NEUROD4: variants seen among roughly 807,000 people sequenced by gnomAD.
NEUROD4 encodes neurogenic differentiation factor 4.
NEUROD4 carries 16 observed loss-of-function variants against 19.8 expected under a neutral mutation model. The observed-to-expected ratio is 0.81, with a 90% CI of 0.55 to 1.23. NEUROD4 has a LOEUF of 1.23. NEUROD4 is among the 50% of genes most tolerant of loss of function. The pLI is 0.00. For missense variants in NEUROD4, 439 were observed against 398.6 expected, an observed-to-expected ratio of 1.10 and a Z score of -0.86; for synonymous variants, 153 against 147.9, an observed-to-expected ratio of 1.03 and a Z score of -0.25.
In NEUROD4 at chr12:55,028,181, T is replaced by C. The variant is rs182305032; in HGVS notation, c.*746T>C. On this transcript the variant is annotated 3_prime_UTR_variant, in exon 2 of 2. Transcript: ENST00000242994. ...TTCCTTATGATTTGAAGAACCATAA[T>C]AGAGAACCATAATAGAGGCCTCATG... The C allele has an allele frequency of 4.2e-5, 7 of 165,718 alleles. No homozygotes were observed. In the East Asian group the frequency reaches 1.2e-3, roughly 27 times the overall value. The allele number at this position is 165,718 out of a possible 1,614,324, so 10.3% of individuals were successfully genotyped here.
chr12:55,022,949 G>A (rs191252284), intron 1 of NEUROD4, among the ~76,000 whole-genome samples: 124 of 152,196 alleles, frequency 8.1e-4, no homozygotes, highest in African/African-American at 2.7e-3. Flanking sequence ...AAAATTCATG[G>A]TGATGTTTAG....
At position 55,027,671 on chromosome 12, in the gene NEUROD4, A is replaced by C. The variant is rs1055414894; in HGVS notation, c.*236A>C. The C allele has an allele frequency of 9.1e-6, 4 of 437,382 alleles. No individual in the cohort carries two copies. The highest frequency in any genetic ancestry group is 1.7e-5 in the Non-Finnish European group (4 of 240,472). 27.1% of individuals were successfully genotyped at this position (437,382 alleles called of 1,614,324 possible). ...TATTTGATGATTTAACAACCATGTG[A>C]AAATAGAACAGAAGACCTGGGCCCT... On this transcript the variant is annotated 3_prime_UTR_variant, in exon 2 of 2. Coordinates refer to ENST00000242994, the MANE Select transcript of NEUROD4 (RefSeq NM_021191.3).
At chr12:55,020,880 T>C (rs1952669439) in intron 1 of NEUROD4, among the ~76,000 whole-genome samples, 1 of 152,214 alleles carries the variant, frequency 6.6e-6, no homozygotes, top group Non-Finnish European at 1.5e-5. Context: ...GGAAATTTCC[T>C]TTTCCTCAGC....
At position 55,027,074 on chromosome 12, in the gene NEUROD4, C is replaced by G. The variant is rs1952742403; in HGVS notation, c.635C>G (p.Pro212Arg). Residue 212 changes from proline to arginine, a missense_variant, in exon 2 of 2, where the codon CCT (proline) becomes CGT (arginine). Transcript: ENST00000242994. ...FNYQSPGLPS[P>R]PYGHMETHLL... The stretch of plus-strand genomic sequence containing the variant: ...TATCAGTCTCCGGGGCTTCCTAGCC[C>G]TCCTTATGGTCATATGGAAACACAT... The G allele has an allele frequency of 6.2e-7, 1 of 1,614,130 alleles. No individual in the cohort carries two copies. Among genetic ancestry groups the G allele is most frequent in the Non-Finnish European group, 8.5e-7 (1 of 1,180,000 alleles).
chr12:55,025,138 C>A (rs1189848460), intron 1 of NEUROD4, among the ~76,000 whole-genome samples: 1 of 152,162 alleles, frequency 6.6e-6, no homozygotes, highest in Non-Finnish European at 1.5e-5. Context: ...AAACCATATG[C>A]CTAAAAATTG....
chr12:55,024,213 T>A (rs758509613), intron 1 of NEUROD4, among the ~76,000 whole-genome samples: 5 of 152,176 alleles, frequency 3.3e-5, no homozygotes, highest in Non-Finnish European at 7.4e-5. Context: ...TTTCTATTGC[T>A]GTACATCTCC....
rs1952772023 is a variant in NEUROD4, at chr12:55,029,793, C to A, written c.*2358C>A. On this transcript the variant is annotated 3_prime_UTR_variant, in exon 2 of 2. Coordinates refer to ENST00000242994, the MANE Select transcript of NEUROD4 (RefSeq NM_021191.3). The stretch of plus-strand genomic sequence containing the variant: ...GTTTATGCCTTTGGGGAGTATGGTA[C>A]CCATGAGCCAAGCCTCCCTGAAATT... 6.0e-6 allele frequency: 1 copy of A among 166,898 alleles called. No individual in the cohort carries two copies. 10.3% of individuals were successfully genotyped at this position (166,898 alleles called of 1,614,324 possible). A position where few individuals can be genotyped will look rare whatever the true frequency, so the allele number is the denominator to read the frequency against.
At chr12:55,026,364 A>G (rs993729951) in intron 1 of NEUROD4, 67 bp from the exon 2 acceptor site, 22 of 1,389,668 alleles carry the variant, frequency 1.6e-5, no homozygotes, top group Non-Finnish European at 1.9e-5. Context: ...ATTACATATA[A>G]AAAACTTTAG....
chr12:55,021,667 TA>T (rs147557483), intron 1 of NEUROD4, among the ~76,000 whole-genome samples: 2,609 of 152,326 alleles, frequency 0.017, 77 homozygotes, highest in African/African-American at 0.06. Context: ...AGAACAGATT[TA>T]AAATTTTTAA....
chr12:55,027,005 A>G lies in NEUROD4; in HGVS notation c.566A>G (p.Lys189Arg). The G allele has an allele frequency of 6.2e-7, 1 of 1,614,040 alleles. No individual in the cohort carries two copies. Among genetic ancestry groups the G allele is most frequent in the Non-Finnish European group, 8.5e-7 (1 of 1,180,002 alleles). Residue 189 changes from lysine (K) to arginine (R), a missense_variant, in exon 2 of 2, where the codon AAA (lysine) becomes AGA (arginine). Transcript: ENST00000242994. ...GTCCTCCTGGAGAAGCACGAGGATA[A>G]ATCTCCTATTTGTGACTCTGCCATC... Reference protein sequence around the residue: ...QSVLLEKHEDKSPICDSAISV... With the variant: ...QSVLLEKHEDRSPICDSAISV...
At chr12:55,020,669 G>T (rs1439465886) in intron 1 of NEUROD4, among the ~76,000 whole-genome samples, 1 of 152,072 alleles carries the variant, frequency 6.6e-6, no homozygotes, top group Non-Finnish European at 1.5e-5. Context: ...TTCCAAGGTG[G>T]CCCAGCAAGT....
At position 55,029,616 on chromosome 12, in the gene NEUROD4, T is replaced by C. The variant is rs1251985269; in HGVS notation, c.*2181T>C. On this transcript the variant is annotated 3_prime_UTR_variant, in exon 2 of 2. Transcript: ENST00000242994. ...CATAATTTTGCTAAGAACTGCTGAG[T>C]TTTGGAGTGAGGGGAAAGGAAAAAA... 6.0e-6 allele frequency: 1 copy of C among 167,022 alleles called. No homozygotes were observed. The highest frequency in any genetic ancestry group is 1.5e-5 in the Non-Finnish European group (1 of 68,100). 10.3% of individuals were successfully genotyped at this position (167,022 alleles called of 1,614,324 possible).
intron 1 of NEUROD4, among the ~76,000 whole-genome samples, chr12:55,024,033 C>T (rs1390476670): frequency 6.6e-6 from 1 of 152,164 alleles, no homozygotes; most frequent in African/African-American, 2.4e-5. Context: ...TCAGGAGACT[C>T]TCCTCTCTTG....
At chr12:55,024,600 T>G (rs1263825419) in intron 1 of NEUROD4, among the ~76,000 whole-genome samples, 1 of 152,184 alleles carries the variant, frequency 6.6e-6, no homozygotes, top group Non-Finnish European at 1.5e-5. Context: ...CTGTGTTACT[T>G]TAACAGAAAG....
intron 1 of NEUROD4, among the ~76,000 whole-genome samples, chr12:55,024,342 G>A (rs560771628): frequency 3.9e-5 from 6 of 152,104 alleles, no homozygotes; most frequent in Non-Finnish European, 8.8e-5. Context: ...CACTCCACCA[G>A]AACTATATCT....
chr12:55,022,204 T>C (rs1479870097), intron 1 of NEUROD4, among the ~76,000 whole-genome samples: 1 of 152,164 alleles, frequency 6.6e-6, no homozygotes, highest in Non-Finnish European at 1.5e-5. Flanking sequence ...GCTCCTTTAA[T>C]GAGTGAATGA....
rs566812901 is a variant in NEUROD4, at chr12:55,023,052, ATCCT to A, written c.-10+2740_-10+2743del. Among the ~76,000 whole-genome samples, 15 of 152,240 alleles carry A rather than the reference ATCCT, an allele frequency of 9.9e-5. No homozygotes were observed. The South Asian group carries it at 3.1e-3, about 32-fold the overall frequency. On this transcript the variant is annotated intron_variant, in intron 1 of 1. Transcript: ENST00000242994. Reference sequence around the variant, plus strand: ...ATCAACTCATTTTATGCTCCTAATAATCCTATGAGGTAGGACTGTTATTATTCTC... The same window carrying A: ...ATCAACTCATTTTATGCTCCTAATAAATGAGGTAGGACTGTTATTATTCTC...
Position 55,029,001 on chromosome 12 carries a change from C to T in NEUROD4, c.*1566C>T, listed in dbSNP as rs2136242545. On this transcript the variant is annotated 3_prime_UTR_variant, in exon 2 of 2. Coordinates refer to ENST00000242994, the MANE Select transcript of NEUROD4 (RefSeq NM_021191.3). ...GGCTTATTTGATAGTAGATTAGGTC[C>T]TGCTCCTGCCAGAAAGGATAAGTTT... The T allele has an allele frequency of 6.0e-6, 1 of 167,112 alleles. No homozygotes were observed. Among genetic ancestry groups the T allele is most frequent in the African/African-American group, 2.4e-5 (1 of 41,540 alleles). The allele number at this position is 167,112 out of a possible 1,614,324, so 10.4% of individuals were successfully genotyped here.
Position 55,027,193 on chromosome 12 carries a change from CCACT to C in NEUROD4, c.760_763del (p.Thr254HisfsTer3). 6.2e-7 allele frequency: 1 copy of C among 1,614,062 alleles called. No homozygotes were observed. The highest frequency in any genetic ancestry group is 8.5e-7 in the Non-Finnish European group (1 of 1,179,998). On this transcript the variant is annotated frameshift_variant, in exon 2 of 2. Transcript: ENST00000242994. LOFTEE classifies it high-confidence loss of function. ...CTGCAGTACACCCCCTTATGAGGGCCCACTCACTCCACCCCTGAGCATCAGTGGG... is the reference window on the plus strand; with the variant it reads ...CTGCAGTACACCCCCTTATGAGGGCCCACTCCACCCCTGAGCATCAGTGGG...
Sources: gnomAD v4.1 joint callset for allele counts (sites outside exome capture counted in the v4.1 genomes callset) on GRCh38, gnomAD v4.1.1 for gene constraint, MANE v1.5 for transcripts, NCBI Gene and HGNC (gene_info 2026-07-23, HGNC 2026-07-21) for gene names.